Variants in NGEF observed in about 807,000 individuals in gnomAD.
The protein encoded by NGEF is neuronal guanine nucleotide exchange factor.
Under a neutral mutation model 80.9 loss-of-function variants are expected in NGEF, and 31 were observed. The observed-to-expected ratio is 0.38, with a 90% CI of 0.29 to 0.52. The LOEUF (loss-of-function observed/expected upper bound fraction) is 0.52. NGEF is among the 20% of genes least tolerant of loss of function. NGEF has a pLI of 0.84. For synonymous variants in NGEF, 371 were observed against 370.2 expected, an observed-to-expected ratio of 1.00 and a Z score of -0.03; for missense variants, 709 against 926.2, an observed-to-expected ratio of 0.77 and a Z score of 3.04.
chr2:232,965,728 C>T lies in NGEF; in HGVS notation c.383+4486G>A, dbSNP rs982562531. Among the ~76,000 whole-genome samples the T allele has an allele frequency of 3.2e-4, 48 of 152,192 alleles. 1 individual carries two copies. The highest frequency in any genetic ancestry group is 1.2e-3 in the African/African-American group (48 of 41,458). ...TGTCTCCACAGCAGGTGTATCATGACTTATCTCGCCATGGAGATCCAGCTC... is the reference window on the plus strand; with the variant it reads ...TGTCTCCACAGCAGGTGTATCATGATTTATCTCGCCATGGAGATCCAGCTC... On this transcript the variant is annotated intron_variant, in intron 3 of 14. Coordinates refer to ENST00000264051, the MANE Select transcript of NGEF (RefSeq NM_019850.3).
Position 232,920,490 on chromosome 2 carries a change from A to C in NGEF, c.622T>G (p.Ser208Ala). The C allele has an allele frequency of 1.9e-6, 3 of 1,610,006 alleles. No homozygotes were observed. Among genetic ancestry groups the C allele is most frequent in the Non-Finnish European group, 2.5e-6 (3 of 1,177,964 alleles). The change falls in exon 5 of 15, where the codon TCC becomes GCC. Residue 208 changes from serine (S) to alanine (A), a missense_variant. Around this residue, in one of 2 missense-constraint regions of NGEF, gnomAD observed 283 missense variants for 303.4 expected, o/e 0.93. Coordinates refer to ENST00000264051, the MANE Select transcript of NGEF (RefSeq NM_019850.3). ...TCCGGGGTGTCCTCACTGGCCGGGGACCCATTGGTATTGTCTTCTATTTCT... is the reference window on the plus strand; with the variant it reads ...TCCGGGGTGTCCTCACTGGCCGGGGCCCCATTGGTATTGTCTTCTATTTCT... Reference protein sequence around the residue: ...DAEIEDNTNGSPASEDTPEEE... With the variant: ...DAEIEDNTNGAPASEDTPEEE...
chr2:232,972,510 G>T (rs1003437268), intron 2 of NGEF, among the ~76,000 whole-genome samples: 3 of 152,142 alleles, frequency 2.0e-5, no homozygotes, highest in African/African-American at 7.2e-5. Context: ...ATCTACACAG[G>T]CTTTGGAGCC....
chr2:232,890,032 A>AG (rs1418092015), intron 8 of NGEF, among the ~76,000 whole-genome samples: 2 of 151,526 alleles, frequency 1.3e-5, no homozygotes, highest in African/African-American at 4.8e-5. Flanking sequence ...TGTCAGGCAG[A>AG]GGGGGTCTCT....
intron 5 of NGEF, among the ~76,000 whole-genome samples, chr2:232,905,276 A>T (rs967827498): frequency 6.6e-6 from 1 of 151,998 alleles, no homozygotes; most frequent in Non-Finnish European, 1.5e-5. Flanking sequence ...TGGTTTTCGT[A>T]TTTTTTTGGT....
chr2:232,939,591 G>A (rs1317749757), intron 3 of NGEF, among the ~76,000 whole-genome samples: 1 of 152,204 alleles, frequency 6.6e-6, no homozygotes, highest in Non-Finnish European at 1.5e-5. Flanking sequence ...ATAATGAAAA[G>A]CTAGTATGTA....
At chr2:232,935,794 T>G (rs750935820) in intron 3 of NGEF, among the ~76,000 whole-genome samples, 8 of 152,096 alleles carry the variant, frequency 5.3e-5, no homozygotes, top group Non-Finnish European at 1.0e-4. Context: ...TAAAAACATT[T>G]GTATTGTTAT....
chr2:232,901,511 AGCTGCGTC>A, intron 5 of NGEF: 1 of 905,356 alleles, frequency 1.1e-6, no homozygotes, highest in Non-Finnish European at 1.3e-6. Flanking sequence ...GCGTTGTTGC[AGCTGCGTC>A]ACCAGGGTGA....
chr2:232,917,589 C>A (rs902119182), intron 5 of NGEF, among the ~76,000 whole-genome samples: 4 of 151,976 alleles, frequency 2.6e-5, no homozygotes, highest in African/African-American at 9.7e-5. Flanking sequence ...CCTGTCTCAG[C>A]CTCCCGAGTA....
At chr2:232,987,494 G>A (rs6709310) in intron 1 of NGEF, among the ~76,000 whole-genome samples, 96,856 of 151,898 alleles carry the variant, frequency 0.64, 31,668 homozygotes, top group East Asian at 0.91. Context: ...CTCTGGGGGT[G>A]CTGTAGCCCA....
At chr2:232,916,820 C>T (rs1692812397) in intron 5 of NGEF, among the ~76,000 whole-genome samples, 2 of 152,208 alleles carry the variant, frequency 1.3e-5, no homozygotes, top group Non-Finnish European at 2.9e-5. Flanking sequence ...CATTCGGGAC[C>T]AGCAGTTCCA....
intron 1 of NGEF, among the ~76,000 whole-genome samples, chr2:232,988,664 GCAGGTGAC>G (rs1694589789): frequency 6.6e-6 from 1 of 152,214 alleles, no homozygotes; most frequent in Admixed American, 6.5e-5. Context: ...TGTCCTGGGT[GCAGGTGAC>G]TCACTCCAGC....
chr2:232,918,414 TTCTG>T (rs2106274005), intron 5 of NGEF, among the ~76,000 whole-genome samples: 1 of 152,160 alleles, frequency 6.6e-6, no homozygotes, highest in Non-Finnish European at 1.5e-5. Flanking sequence ...ATTGAAGAAT[TTCTG>T]TCTTTTAATG....
chr2:233,007,838 A>G (rs533135408), intron 1 of NGEF, among the ~76,000 whole-genome samples: 2 of 152,326 alleles, frequency 1.3e-5, no homozygotes, highest in East Asian at 3.9e-4. Flanking sequence ...AGAAAGTTGC[A>G]AGTGACTGCT....
intron 1 of NGEF, among the ~76,000 whole-genome samples, chr2:232,998,895 C>T (rs1356661470): frequency 1.3e-5 from 2 of 152,178 alleles, no homozygotes; most frequent in Non-Finnish European, 2.9e-5. Flanking sequence ...ATATCTAGTT[C>T]ATGGTATGAG....
At chr2:232,926,898 C>T (rs1878289) in intron 4 of NGEF, 146 bp downstream of exon 4, 13 of 1,036,716 alleles carry the variant, frequency 1.3e-5, no homozygotes, top group Non-Finnish European at 1.9e-5. Flanking sequence ...CCATTTAGAG[C>T]CAAACATGTC....
At chr2:232,996,974 C>G (rs1360143900) in intron 1 of NGEF, among the ~76,000 whole-genome samples, 2 of 152,284 alleles carry the variant, frequency 1.3e-5, no homozygotes, top group Non-Finnish European at 2.9e-5. Context: ...GCTCCCTGCC[C>G]CCAAGGGTGA....
At chr2:233,007,556 C>T (rs115878271) in intron 1 of NGEF, among the ~76,000 whole-genome samples, 1,698 of 152,308 alleles carry the variant, frequency 0.011, 13 homozygotes, top group Middle Eastern at 0.02. Flanking sequence ...AGGACCCTAG[C>T]ACTGCTCACA....
Position 232,891,347 on chromosome 2 carries a change from G to T in NGEF, c.1272+11C>A. On this transcript the variant is annotated intron_variant, in intron 8 of 14. Coordinates refer to ENST00000264051, the MANE Select transcript of NGEF (RefSeq NM_019850.3). ...AAGCCCCGTCTGTGGGTCAGGTGGA[G>T]GAGGCTGTACCTGGACCAACAGCTT... 1 of 1,613,174 alleles carries T rather than the reference G, an allele frequency of 6.2e-7. No homozygotes were observed. Among genetic ancestry groups the T allele is most frequent in the Non-Finnish European group, 8.5e-7 (1 of 1,179,738 alleles).
At chr2:232,989,794 T>G (rs537426604) in intron 1 of NGEF, among the ~76,000 whole-genome samples, 2 of 152,356 alleles carry the variant, frequency 1.3e-5, no homozygotes, top group South Asian at 2.1e-4. Context: ...TTTATCAAAG[T>G]GTTTTCAGAG....
Sources: gnomAD v4.1 joint callset for allele counts (sites outside exome capture counted in the v4.1 genomes callset) on GRCh38, gnomAD v4.1.1 for gene constraint, gnomAD v4.1.1 regional missense constraint, MANE v1.5 for transcripts, NCBI Gene and HGNC (gene_info 2026-07-23, HGNC 2026-07-21) for gene names.